CUX2: variants seen among roughly 807,000 people sequenced by gnomAD.
CUX2 encodes cut like homeobox 2.
Under a neutral mutation model 144.8 loss-of-function variants are expected in CUX2, and 40 were observed. The ratio of observed to expected loss-of-function variants is 0.28; its 90% CI spans 0.21 to 0.36. The LOEUF is 0.36. Among genes scored for constraint, CUX2 ranks in the 10% least tolerant of loss-of-function variants. The probability of loss-of-function intolerance (pLI) is 1.00; values close to 1 mark genes in which losing one functional copy is unlikely to be tolerated. For missense variants in CUX2, 1,615 were observed against 1,994.0 expected (o/e 0.81, Z 3.62); for synonymous variants, 827 against 875.6 (o/e 0.94, Z 0.98).
chr12:111,248,616 G>C (rs1004674513), intron 3 of CUX2, among the ~76,000 whole-genome samples: 1 of 152,062 alleles, frequency 6.6e-6, no homozygotes, highest in Admixed American at 6.6e-5. Context: ...ATTTCAAGGA[G>C]GGGGGTGAAG....
intron 3 of CUX2, among the ~76,000 whole-genome samples, chr12:111,227,546 G>A (rs1001874415): frequency 3.3e-5 from 5 of 152,174 alleles, no homozygotes; most frequent in Non-Finnish European, 7.4e-5. Flanking sequence ...CAAAACCTAA[G>A]GTTCCAGGCG....
At chr12:111,040,826 G>C (rs954236351) in intron 1 of CUX2, among the ~76,000 whole-genome samples, 2 of 152,148 alleles carry the variant, frequency 1.3e-5, no homozygotes, top group Non-Finnish European at 2.9e-5. Flanking sequence ...GCCACAATGA[G>C]AATGAATGGA....
intron 1 of CUX2, among the ~76,000 whole-genome samples, chr12:111,144,728 C>T (rs1414829865): frequency 6.6e-6 from 1 of 152,216 alleles, no homozygotes; most frequent in African/African-American, 2.4e-5. Context: ...CCACTGCTGT[C>T]CGTGGGTTGA....
rs1421888760 is a variant in CUX2, at chr12:111,178,438, T to A, written c.64-35762T>A. 6.6e-6 allele frequency among the ~76,000 whole-genome samples: 1 copy of A among 152,230 alleles called. No homozygotes were observed. Among genetic ancestry groups the A allele is most frequent in the African/African-American group, 2.4e-5 (1 of 41,456 alleles). ...TCCAGCCCTCTGACTGGGTTCATCC[T>A]TGTTCCACAACTTCCTTGGCTCAAG... On this transcript the variant is annotated intron_variant, in intron 1 of 21. Transcript: ENST00000261726. The surrounding 1 kb of genome is among the most constrained non-coding windows in gnomAD (Gnocchi z 5.7).
intron 1 of CUX2, among the ~76,000 whole-genome samples, chr12:111,140,420 C>G (rs963363040): frequency 6.6e-6 from 1 of 152,150 alleles, no homozygotes; most frequent in Non-Finnish European, 1.5e-5. Flanking sequence ...GTCACAGCAC[C>G]ACCTATCAAA....
At chr12:111,108,025 G>A (rs895283964) in intron 1 of CUX2, among the ~76,000 whole-genome samples, 3 of 152,152 alleles carry the variant, frequency 2.0e-5, no homozygotes, top group Admixed American at 6.5e-5. Context: ...ATCATGTGAC[G>A]CATGGAGTTG....
chr12:111,140,074 ACT>A (rs1442846454), intron 1 of CUX2, among the ~76,000 whole-genome samples: 1 of 152,156 alleles, frequency 6.6e-6, no homozygotes, highest in African/African-American at 2.4e-5. Context: ...ATTTCCAGTA[ACT>A]TCTCTGTTCT....
chr12:111,320,264 G>A lies in CUX2; in HGVS notation c.2255G>A (p.Gly752Glu). ...PALVKQEEGSGGPAQAPLPVL... is the reference protein window; with the variant it reads ...PALVKQEEGSEGPAQAPLPVL... ...TTGGTGAAGCAGGAGGAGGGCAGCGGGGGCCCCGCGCAGGCGCCGCTCCCG... is the reference window on the plus strand; with the variant it reads ...TTGGTGAAGCAGGAGGAGGGCAGCGAGGGCCCCGCGCAGGCGCCGCTCCCG... Residue 752 changes from glycine (G) to glutamate (E), a missense_variant, in exon 17 of 22, where the codon GGG becomes GAG. Gly to Glu is a moderately conservative substitution (Grantham distance 98, BLOSUM62 -2). Around this residue, in one of 12 missense-constraint regions of CUX2, gnomAD observed 390 missense variants for 387.1 expected, o/e 1.01. Transcript: ENST00000261726. This position sits in a 1 kb window ranked among gnomAD's most constrained non-coding sequence, Gnocchi z 8.1. 6.3e-7 allele frequency: 1 copy of A among 1,591,800 alleles called. No homozygotes were observed. Among genetic ancestry groups the A allele is most frequent in the Non-Finnish European group, 8.5e-7 (1 of 1,176,370 alleles).
chr12:111,120,321 G>A (rs1874569733), intron 1 of CUX2, among the ~76,000 whole-genome samples: 1 of 152,140 alleles, frequency 6.6e-6, no homozygotes, highest in East Asian at 1.9e-4. Flanking sequence ...ATGAGCTGGT[G>A]CACTTAGATG....
intron 1 of CUX2, among the ~76,000 whole-genome samples, chr12:111,062,062 G>A (rs112128101): frequency 0.014 from 2,145 of 152,318 alleles, 53 homozygotes; most frequent in African/African-American, 0.048. Flanking sequence ...GTTCTAGCAC[G>A]GAGTAAGTGC....
intron 1 of CUX2, among the ~76,000 whole-genome samples, chr12:111,125,157 T>C (rs976981775): frequency 2.0e-5 from 3 of 151,490 alleles, no homozygotes; most frequent in African/African-American, 7.3e-5. Context: ...ACATTCCCTC[T>C]CTATGGATTT....
At chr12:111,314,699 C>T (rs1301178302) in intron 16 of CUX2, among the ~76,000 whole-genome samples, 1 of 138,198 alleles carries the variant, frequency 7.2e-6, no homozygotes, top group Non-Finnish European at 1.5e-5. Flanking sequence ...CAAAAATTAG[C>T]TAGGTGTGGT....
intron 8 of CUX2, among the ~76,000 whole-genome samples, chr12:111,297,380 G>A (rs930314366): frequency 2.0e-5 from 3 of 152,108 alleles, no homozygotes; most frequent in East Asian, 1.9e-4. Flanking sequence ...TCTGAGTCTC[G>A]GCTGGAGGCC....
chr12:111,143,437 A>T (rs1050936389), intron 1 of CUX2, among the ~76,000 whole-genome samples: 14 of 152,188 alleles, frequency 9.2e-5, no homozygotes, highest in African/African-American at 2.9e-4. Flanking sequence ...ATGGCTACAC[A>T]GGCCCGGGAC....
At chr12:111,336,424 TTGTGTGTG>T (rs57009074) in intron 19 of CUX2, among the ~76,000 whole-genome samples, 39,448 of 146,012 alleles carry the variant, frequency 0.27, 6,125 homozygotes, top group East Asian at 0.67. Context: ...CACTTCAGTG[TTGTGTGTG>T]TGTGTGTGTG....
At chr12:111,167,379 A>G (rs1878213533) in intron 1 of CUX2, among the ~76,000 whole-genome samples, 1 of 151,940 alleles carries the variant, frequency 6.6e-6, no homozygotes, top group Admixed American at 6.6e-5. Context: ...TTGTGCCCCT[A>G]AGTAGACCAT....
At chr12:111,291,373 T>C (rs201550650) in intron 4 of CUX2, 45 bp from the exon 5 acceptor site, 265 of 1,552,228 alleles carry the variant, frequency 1.7e-4, no homozygotes, top group Non-Finnish European at 2.3e-4. Flanking sequence ...CGGGTGTCCC[T>C]ATCCATCAGG....
At position 111,171,985 on chromosome 12, in the gene CUX2, G is replaced by T. The variant is rs1037648331; in HGVS notation, c.64-42215G>T. Reference sequence around the variant, plus strand: ...TGCATGTGCATGCACCTGTGTGTGTGTGCATGTGCCTGTGTGTGCGCATGT... The same window carrying T: ...TGCATGTGCATGCACCTGTGTGTGTTTGCATGTGCCTGTGTGTGCGCATGT... On this transcript the variant is annotated intron_variant, in intron 1 of 21. Transcript: ENST00000261726. This position sits in a 1 kb window ranked among gnomAD's most constrained non-coding sequence, Gnocchi z 5.0. 6.8e-6 allele frequency among the ~76,000 whole-genome samples: 1 copy of T among 147,740 alleles called. No individual in the cohort carries two copies. The highest frequency in any genetic ancestry group is 2.7e-5 in the African/African-American group (1 of 37,304).
At chr12:111,283,618 G>T (rs551172586) in intron 4 of CUX2, among the ~76,000 whole-genome samples, 1 of 152,124 alleles carries the variant, frequency 6.6e-6, no homozygotes, top group African/African-American at 2.4e-5. Context: ...GCTTGGGGAC[G>T]CTAAGTGACT....
Sources: gnomAD v4.1 joint callset for allele counts (sites outside exome capture counted in the v4.1 genomes callset) on GRCh38, gnomAD v4.1.1 for gene constraint, gnomAD v4.1.1 regional missense constraint, Gnocchi (gnomAD v3.1) non-coding constraint, MANE v1.5 for transcripts, NCBI Gene and HGNC (gene_info 2026-07-23, HGNC 2026-07-21) for gene names.